COLEC12: variants seen among roughly 807,000 people sequenced by gnomAD.
The protein encoded by COLEC12 is collectin subfamily member 12, also known as collectin-12.
COLEC12 carries 33 observed loss-of-function variants against 71.1 expected under a neutral mutation model. The ratio of observed to expected loss-of-function variants is 0.46; its 90% CI spans 0.35 to 0.62. COLEC12 has a LOEUF of 0.62. COLEC12 is among the 20% of genes least tolerant of loss of function. The pLI is 0.00. For synonymous variants in COLEC12, 350 were observed against 353.0 expected (o/e 0.99, Z 0.10); for missense variants, 765 against 916.1 (o/e 0.84, Z 2.13).
At chr18:474,140 GTGT>G in intron 2 of COLEC12, among the ~76,000 whole-genome samples, 2 of 152,302 alleles carry the variant, frequency 1.3e-5, no homozygotes, top group East Asian at 3.9e-4. Flanking sequence ...GAGTATGGCC[GTGT>G]CTGTGAGCTT....
At chr18:325,364 A>C (rs1302045057) in intron 8 of COLEC12, among the ~76,000 whole-genome samples, 2 of 152,160 alleles carry the variant, frequency 1.3e-5, no homozygotes, top group Non-Finnish European at 2.9e-5. Flanking sequence ...ACAGAGGAAC[A>C]GAAGAGCTTC....
intron 5 of COLEC12, among the ~76,000 whole-genome samples, chr18:341,842 G>C (rs1299957713): frequency 2.0e-5 from 3 of 152,154 alleles, no homozygotes; most frequent in Admixed American, 2.0e-4. Flanking sequence ...CAGAGCTCTT[G>C]TTCTCACTCA....
intron 2 of COLEC12, among the ~76,000 whole-genome samples, chr18:360,500 G>C (rs964966363): frequency 6.6e-6 from 1 of 152,036 alleles, no homozygotes; most frequent in Admixed American, 6.5e-5. Context: ...CAAGAATTTG[G>C]ATTTCTAAGA....
chr18:413,291 T>C (rs971057436), intron 2 of COLEC12, among the ~76,000 whole-genome samples: 12 of 152,160 alleles, frequency 7.9e-5, no homozygotes, highest in African/African-American at 2.7e-4. Context: ...ATCAAAGGCA[T>C]AATGACATAC....
rs958676693 is a variant in COLEC12 at position 408,977 on chromosome 18, C to T, written c.59-51455G>A. ...ACTCCTGAGTAGCTGGTATTACAGGCACATACCACCACGCCTAGCTAAATT... is the reference window on the plus strand; with the variant it reads ...ACTCCTGAGTAGCTGGTATTACAGGTACATACCACCACGCCTAGCTAAATT... On this transcript the variant is annotated intron_variant, in intron 2 of 9. Transcript: ENST00000400256. The surrounding 1 kb of genome is among the most constrained non-coding windows in gnomAD (Gnocchi z 4.3). 3.3e-5 allele frequency among the ~76,000 whole-genome samples: 5 copies of T among 152,006 alleles called. No homozygotes were observed. Among genetic ancestry groups the T allele is most frequent in the Non-Finnish European group, 5.9e-5 (4 of 68,006 alleles).
chr18:363,968 T>C (rs1193522921), intron 2 of COLEC12, among the ~76,000 whole-genome samples: 1 of 152,166 alleles, frequency 6.6e-6, no homozygotes, highest in African/African-American at 2.4e-5. Flanking sequence ...GCAAAATAAG[T>C]GAAGCCTCAC....
Position 331,665 on chromosome 18 carries a change from T to C in COLEC12, c.2063+3A>G, listed in dbSNP as rs1393234279. 6.3e-7 allele frequency: 1 copy of C among 1,589,538 alleles called. No homozygotes were observed. The highest frequency in any genetic ancestry group is 8.6e-7 in the Non-Finnish European group (1 of 1,157,546). On this transcript the variant is annotated splice_donor_region_variant and intron_variant, in intron 8 of 9. Coordinates refer to ENST00000400256, the MANE Select transcript of COLEC12 (RefSeq NM_130386.3). ...ACCAATCTGGAAGCTTCTGAGTACT[T>C]ACTTGTAGTCTGGAGATGTCCCATC...
chr18:388,093 T>G (rs887285482), intron 2 of COLEC12, among the ~76,000 whole-genome samples: 7 of 152,174 alleles, frequency 4.6e-5, no homozygotes, highest in African/African-American at 1.7e-4. Context: ...TCTACCTTCT[T>G]GTCAAGGGGC....
At chr18:478,716 G>A (rs918416641) in intron 2 of COLEC12, among the ~76,000 whole-genome samples, 1 of 152,138 alleles carries the variant, frequency 6.6e-6, no homozygotes, top group Non-Finnish European at 1.5e-5. Flanking sequence ...CTTGCCTAGA[G>A]GCTGAATCCA....
chr18:477,069 T>A (rs1917319744), intron 2 of COLEC12, among the ~76,000 whole-genome samples: 1 of 152,172 alleles, frequency 6.6e-6, no homozygotes, highest in Middle Eastern at 3.2e-3. Context: ...GCTTGGTATA[T>A]GGAAAGACTG....
Position 319,955 on chromosome 18 carries a change from TC to T in COLEC12, c.*89del. 2.5e-6 allele frequency: 2 copies of T among 803,786 alleles called. No individual in the cohort carries two copies. The highest frequency in any genetic ancestry group is 1.6e-5 in the South Asian group (1 of 63,692). The allele number at this position is 803,786 out of a possible 1,614,324, so 49.8% of individuals were successfully genotyped here. ...ATTGGTTTTCAGTGCTTTTTTTTTT[TC>T]AATCTGATGAGAAGGTGATGCAATT... is the stretch of plus-strand genomic sequence containing the variant. On this transcript the variant is annotated 3_prime_UTR_variant, in exon 10 of 10. Coordinates refer to ENST00000400256, the MANE Select transcript of COLEC12 (RefSeq NM_130386.3).
chr18:425,937 T>C (rs139846589), intron 2 of COLEC12, among the ~76,000 whole-genome samples: 11 of 152,294 alleles, frequency 7.2e-5, no homozygotes, highest in African/African-American at 2.4e-4. Context: ...TGGTATAGCA[T>C]TTTTCATTTT....
chr18:402,677 A>G (rs1263604071), intron 2 of COLEC12, among the ~76,000 whole-genome samples: 1 of 152,032 alleles, frequency 6.6e-6, no homozygotes, highest in African/African-American at 2.4e-5. Context: ...CAGTAGCTGA[A>G]TTAGAGTTAT....
intron 2 of COLEC12, among the ~76,000 whole-genome samples, chr18:363,616 T>C: frequency 6.6e-6 from 1 of 152,182 alleles, no homozygotes; most frequent in East Asian, 1.9e-4. Flanking sequence ...AAACGGATGA[T>C]TCAAATAAAT....
chr18:383,774 A>G lies in COLEC12; in HGVS notation c.59-26252T>C, dbSNP rs182570040. ...CCATTCTCAGGCTGCTAATACAGACATACCCGAGACTGGATAATTTATAAA... is the reference window on the plus strand; with the variant it reads ...CCATTCTCAGGCTGCTAATACAGACGTACCCGAGACTGGATAATTTATAAA... On this transcript the variant is annotated intron_variant, in intron 2 of 9. Coordinates refer to ENST00000400256, the MANE Select transcript of COLEC12 (RefSeq NM_130386.3). Among the ~76,000 whole-genome samples, 476 of 152,272 alleles carry G rather than the reference A, an allele frequency of 3.1e-3. 1 individual carries two copies. Among genetic ancestry groups the G allele is most frequent in the Non-Finnish European group, 3.9e-3 (268 of 68,036 alleles).
At chr18:422,357 T>C (rs1916115216) in intron 2 of COLEC12, among the ~76,000 whole-genome samples, 1 of 152,196 alleles carries the variant, frequency 6.6e-6, no homozygotes, top group Non-Finnish European at 1.5e-5. Flanking sequence ...CAGTTCAATT[T>C]CTTTATCATC....
chr18:452,714 C>T (rs1264011649), intron 2 of COLEC12, among the ~76,000 whole-genome samples: 1 of 152,204 alleles, frequency 6.6e-6, no homozygotes, highest in Non-Finnish European at 1.5e-5. Context: ...GATGGGCTCT[C>T]CAGGACTGAC....
chr18:487,563 T>C (rs1917542519), intron 1 of COLEC12, among the ~76,000 whole-genome samples: 1 of 152,140 alleles, frequency 6.6e-6, no homozygotes, highest in Admixed American at 6.6e-5. Flanking sequence ...GGTTTACTAC[T>C]TGGAAACATT....
chr18:338,227 T>C (rs1914162557), intron 5 of COLEC12, among the ~76,000 whole-genome samples: 1 of 152,234 alleles, frequency 6.6e-6, no homozygotes, highest in Non-Finnish European at 1.5e-5. Flanking sequence ...TCTCTTCTTC[T>C]CTAATCTTTT....
Sources: allele counts gnomAD v4.1 joint callset (sites outside exome capture counted in the v4.1 genomes callset), GRCh38; gene constraint gnomAD v4.1.1; non-coding constraint Gnocchi (gnomAD v3.1); transcripts MANE v1.5; gene names NCBI Gene and HGNC (gene_info 2026-07-23, HGNC 2026-07-21).